Variants in ANO10 observed in about 807,000 individuals in gnomAD.
ANO10 encodes anoctamin-10.
A neutral mutation model predicts 74.7 loss-of-function variants in ANO10; 77 were observed. The observed-to-expected ratio is 1.03, with a 90% CI of 0.86 to 1.25. The LOEUF (loss-of-function observed/expected upper bound fraction) is 1.25. Ranked by LOEUF, ANO10 falls within the 50% of genes most tolerant of loss-of-function variation. The pLI is 0.00. For missense variants in ANO10, 721 were observed against 778.1 expected (o/e 0.93, Z 0.87); for synonymous variants, 279 against 284.9 (o/e 0.98, Z 0.21).
At chr3:43,460,458 G>A (rs533503768) in intron 11 of ANO10, among the ~76,000 whole-genome samples, 1 of 152,330 alleles carries the variant, frequency 6.6e-6, no homozygotes, top group East Asian at 1.9e-4. Flanking sequence ...GAAGGTAGGA[G>A]GACTAAGGGA....
chr3:43,509,206 C>T (rs539063159), intron 11 of ANO10, among the ~76,000 whole-genome samples: 20 of 151,562 alleles, frequency 1.3e-4, no homozygotes, highest in African/African-American at 4.4e-4. Context: ...CATCACACAA[C>T]GGGGCCTGTT....
chr3:43,544,001 G>C (rs1240524358), intron 11 of ANO10, among the ~76,000 whole-genome samples: 2 of 152,100 alleles, frequency 1.3e-5, no homozygotes, highest in Non-Finnish European at 2.9e-5. Context: ...AATTAAAACT[G>C]TCATTACTAA....
intron 11 of ANO10, among the ~76,000 whole-genome samples, chr3:43,505,025 C>A (rs1222590851): frequency 2.6e-5 from 4 of 152,144 alleles, no homozygotes; most frequent in Non-Finnish European, 5.9e-5. Flanking sequence ...AAAATCTGAA[C>A]AAAGTTCTTT....
At chr3:43,453,286 T>G (rs954624050) in intron 11 of ANO10, among the ~76,000 whole-genome samples, 5 of 151,616 alleles carry the variant, frequency 3.3e-5, no homozygotes, top group African/African-American at 1.2e-4. Flanking sequence ...TTCACGTCAT[T>G]GTTCTGCCTC....
chr3:43,683,874 C>T (rs2149583494), intron 1 of ANO10, among the ~76,000 whole-genome samples: 1 of 152,210 alleles, frequency 6.6e-6, no homozygotes, highest in South Asian at 2.1e-4. Context: ...ACTGGCTAGC[C>T]ATATGTAGAA....
chr3:43,446,842 C>A (rs2093253779), intron 11 of ANO10, among the ~76,000 whole-genome samples: 1 of 152,118 alleles, frequency 6.6e-6, no homozygotes, highest in Non-Finnish European at 1.5e-5. Flanking sequence ...ATACCTATAT[C>A]TTTTTGAACT....
chr3:43,656,845 G>T (rs1170978950), intron 1 of ANO10, among the ~76,000 whole-genome samples: 1 of 152,218 alleles, frequency 6.6e-6, no homozygotes, highest in Non-Finnish European at 1.5e-5. Context: ...AGTGGGCTCC[G>T]GCCTTGGCCA....
intron 1 of ANO10, chr3:43,652,834 T>C (rs1026741177): frequency 6.6e-6 from 1 of 152,026 alleles, no homozygotes; most frequent in Non-Finnish European, 1.5e-5. Context: ...AAAAATACTG[T>C]TAATAAAATT....
chr3:43,545,011 A>G (rs1178974231), intron 11 of ANO10, among the ~76,000 whole-genome samples: 1 of 151,904 alleles, frequency 6.6e-6, no homozygotes, highest in African/African-American at 2.4e-5. Flanking sequence ...ATGTATCTAG[A>G]TATTTATTTG....
intron 8 of ANO10, among the ~76,000 whole-genome samples, 158 bp downstream of exon 8, chr3:43,565,495 C>A: frequency 6.6e-6 from 1 of 152,008 alleles, no homozygotes; most frequent in East Asian, 1.9e-4. Context: ...TACACAATGC[C>A]ATTCCTAATA....
At chr3:43,430,003 A>G (rs1341625090) in intron 12 of ANO10, among the ~76,000 whole-genome samples, 1 of 152,164 alleles carries the variant, frequency 6.6e-6, no homozygotes, top group Non-Finnish European at 1.5e-5. Context: ...ATATAAAAGA[A>G]TGTCCATTTC....
chr3:43,513,997 T>C (rs904702058), intron 11 of ANO10, among the ~76,000 whole-genome samples: 4 of 150,546 alleles, frequency 2.7e-5, no homozygotes, highest in Admixed American at 6.6e-5. Flanking sequence ...TTGCTATTTT[T>C]ATTTTGTTTG....
chr3:43,564,914 G>T (rs2080236032), intron 8 of ANO10, among the ~76,000 whole-genome samples: 1 of 152,174 alleles, frequency 6.6e-6, no homozygotes. Context: ...CAGAAGAAAT[G>T]AGAAGTCACA....
chr3:43,453,267 C>T (rs1418572320), intron 11 of ANO10, among the ~76,000 whole-genome samples: 1 of 151,628 alleles, frequency 6.6e-6, no homozygotes, highest in Non-Finnish European at 1.5e-5. Context: ...GCAAGCTCCA[C>T]CACCCAGGTT....
At chr3:43,504,035 C>T (rs1467940046) in intron 11 of ANO10, among the ~76,000 whole-genome samples, 1 of 151,850 alleles carries the variant, frequency 6.6e-6, no homozygotes, top group Admixed American at 6.6e-5. Flanking sequence ...AGGCTGAGGC[C>T]AAGGCGGTGG....
At chr3:43,532,809 G>A (rs1383160128) in intron 11 of ANO10, among the ~76,000 whole-genome samples, 1 of 152,108 alleles carries the variant, frequency 6.6e-6, no homozygotes, top group Non-Finnish European at 1.5e-5. Flanking sequence ...AAACATCTAG[G>A]AATCTCCAAC....
At chr3:43,385,156 C>T (rs1017331697) in intron 12 of ANO10, among the ~76,000 whole-genome samples, 2 of 152,042 alleles carry the variant, frequency 1.3e-5, no homozygotes, top group Non-Finnish European at 2.9e-5. Flanking sequence ...GGACAACAAG[C>T]ATATGAAAAA....
intron 1 of ANO10, among the ~76,000 whole-genome samples, chr3:43,681,400 C>T (rs1208179493): frequency 3.9e-5 from 6 of 152,008 alleles, no homozygotes. Flanking sequence ...ATATATGCAC[C>T]CAATACAGGA....
At chr3:43,651,240 T>C (rs1360303676) in intron 1 of ANO10, among the ~76,000 whole-genome samples, 1 of 149,910 alleles carries the variant, frequency 6.7e-6, no homozygotes, top group African/African-American at 2.5e-5. Context: ...ATCTACTGTG[T>C]GTCCTACACT....
Sources: allele counts gnomAD v4.1 joint callset (sites outside exome capture counted in the v4.1 genomes callset), GRCh38; gene constraint gnomAD v4.1.1; transcripts MANE v1.5; gene names NCBI Gene and HGNC (gene_info 2026-07-23, HGNC 2026-07-21).